The following PPARGC1A variants were observed in gnomAD, a reference collection of about 807,000 sequenced individuals.
The protein encoded by PPARGC1A is peroxisome proliferator-activated receptor gamma coactivator 1-alpha.
Under a neutral mutation model 88.7 loss-of-function variants are expected in PPARGC1A, and 25 were observed. The ratio of observed to expected loss-of-function variants is 0.28; its 90% CI spans 0.21 to 0.39. The LOEUF is 0.39. Among genes scored for constraint, PPARGC1A ranks in the 10% least tolerant of loss-of-function variants. PPARGC1A has a pLI of 1.00. For missense variants in PPARGC1A, 880 were observed against 968.7 expected, an observed-to-expected ratio of 0.91 and a Z score of 1.22; for synonymous variants, 363 against 355.6, an observed-to-expected ratio of 1.02 and a Z score of -0.24.
At chr4:23,967,972 G>A in the PPARGC1A span, among the ~76,000 whole-genome samples, 1 of 152,144 alleles carries the variant, frequency 6.6e-6, no homozygotes, top group Non-Finnish European at 1.5e-5. Flanking sequence ...AGAGGTGAAG[G>A]GAGAGAATGT....
At chr4:24,022,633 C>G in the PPARGC1A span, among the ~76,000 whole-genome samples, 1 of 152,174 alleles carries the variant, frequency 6.6e-6, no homozygotes, top group East Asian at 1.9e-4. Context: ...GCCTCCCTCC[C>G]TTAACAGGAA....
the PPARGC1A span, among the ~76,000 whole-genome samples, chr4:24,070,402 C>T: frequency 7.9e-5 from 12 of 152,236 alleles, no homozygotes; most frequent in South Asian, 2.1e-4. Context: ...CTGGTTTATA[C>T]GATGCAGTAA....
chr4:24,215,249 C>A, the PPARGC1A span, among the ~76,000 whole-genome samples: 1 of 152,210 alleles, frequency 6.6e-6, no homozygotes, highest in Non-Finnish European at 1.5e-5. Flanking sequence ...TCAGCCCATA[C>A]TTCACACAGC....
At chr4:24,297,682 T>C in the PPARGC1A span, among the ~76,000 whole-genome samples, 1 of 152,066 alleles carries the variant, frequency 6.6e-6, no homozygotes, top group Non-Finnish European at 1.5e-5. Flanking sequence ...AGCAGTGAGA[T>C]CCCTCACATT....
At chr4:23,946,829 T>TACACAC in the PPARGC1A span, among the ~76,000 whole-genome samples, 2 of 150,138 alleles carry the variant, frequency 1.3e-5, no homozygotes, top group African/African-American at 4.9e-5. Flanking sequence ...CACACACACA[T>TACACAC]ACACACACAC....
the PPARGC1A span, among the ~76,000 whole-genome samples, chr4:23,920,575 T>C: frequency 6.6e-6 from 1 of 152,152 alleles, no homozygotes; most frequent in Non-Finnish European, 1.5e-5. Context: ...GTGATTTAAT[T>C]CAGGCATAAT....
At chr4:24,456,554 C>CT in the PPARGC1A span, among the ~76,000 whole-genome samples, 1 of 152,112 alleles carries the variant, frequency 6.6e-6, no homozygotes, top group Non-Finnish European at 1.5e-5. Context: ...CAGGAAATAG[C>CT]TTGCATGCAG....
At chr4:23,921,053 C>T in the PPARGC1A span, among the ~76,000 whole-genome samples, 1 of 152,094 alleles carries the variant, frequency 6.6e-6, no homozygotes, top group Non-Finnish European at 1.5e-5. Flanking sequence ...CCACCCCCCA[C>T]CCACTCCTAC....
chr4:23,819,967 A>G (rs893500187), intron 7 of PPARGC1A, among the ~76,000 whole-genome samples: 40 of 152,176 alleles, frequency 2.6e-4, no homozygotes, highest in Admixed American at 2.6e-3. Flanking sequence ...AGGAGTATGT[A>G]TGCCAAAAGG....
chr4:23,889,100 A>C (rs1717400432), intron 1 of PPARGC1A: 1 of 985,310 alleles, frequency 1.0e-6, no homozygotes, highest in Non-Finnish European at 1.2e-6. Context: ...CCCTGTATGA[A>C]TTGTAGCCAG....
the PPARGC1A span, among the ~76,000 whole-genome samples, chr4:24,103,970 C>A: frequency 2.6e-5 from 4 of 152,106 alleles, no homozygotes; most frequent in East Asian, 7.7e-4. Context: ...TCTTTTCCTC[C>A]TAGGAAGATT....
the PPARGC1A span, among the ~76,000 whole-genome samples, chr4:23,936,519 C>T: frequency 2.0e-5 from 3 of 152,102 alleles, no homozygotes; most frequent in Admixed American, 6.5e-5. Flanking sequence ...GGCAGATCAC[C>T]TGAGGTCTGG....
At chr4:24,255,082 C>G in the PPARGC1A span, among the ~76,000 whole-genome samples, 1 of 152,178 alleles carries the variant, frequency 6.6e-6, no homozygotes, top group African/African-American at 2.4e-5. Flanking sequence ...TCCCATTAAT[C>G]ACTTAAGACT....
the PPARGC1A span, among the ~76,000 whole-genome samples, chr4:24,403,224 G>A: frequency 6.6e-6 from 1 of 152,180 alleles, no homozygotes; most frequent in African/African-American, 2.4e-5. Flanking sequence ...CTATCATGAA[G>A]ATGAAATGAG....
At chr4:24,180,563 G>T in the PPARGC1A span, among the ~76,000 whole-genome samples, 1 of 152,112 alleles carries the variant, frequency 6.6e-6, no homozygotes, top group African/African-American at 2.4e-5. Flanking sequence ...AATTTTATCG[G>T]TCACTTACTT....
chr4:24,152,527 A>C, the PPARGC1A span, among the ~76,000 whole-genome samples: 1 of 152,210 alleles, frequency 6.6e-6, no homozygotes, highest in African/African-American at 2.4e-5. Flanking sequence ...TTTGAGGTTG[A>C]ACACAATCAG....
chr4:24,188,070 A>G, the PPARGC1A span, among the ~76,000 whole-genome samples: 2 of 152,212 alleles, frequency 1.3e-5, no homozygotes, highest in Non-Finnish European at 2.9e-5. Flanking sequence ...CTCTATATGG[A>G]CTGTGTGCAG....
At chr4:23,805,949 T>G (rs1719727894) in intron 10 of PPARGC1A, among the ~76,000 whole-genome samples, 1 of 152,160 alleles carries the variant, frequency 6.6e-6, no homozygotes, top group African/African-American at 2.4e-5. Context: ...AGTCTCTGAA[T>G]TGCAGCTTTA....
chr4:24,309,404 G>A, the PPARGC1A span, among the ~76,000 whole-genome samples: 1 of 152,096 alleles, frequency 6.6e-6, no homozygotes, highest in Non-Finnish European at 1.5e-5. Context: ...ACATCAAGGG[G>A]GATAGTGTGA....
Sources: allele counts gnomAD v4.1 joint callset (sites outside exome capture counted in the v4.1 genomes callset), GRCh38; gene constraint gnomAD v4.1.1; transcripts MANE v1.5; gene names NCBI Gene and HGNC (gene_info 2026-07-23, HGNC 2026-07-21).